The following DOCK1 variants were observed in gnomAD, a reference collection of about 807,000 sequenced individuals.
DOCK1 encodes dedicator of cytokinesis protein 1.
Under a neutral mutation model 262.7 loss-of-function variants are expected in DOCK1, and 138 were observed. The observed-to-expected ratio is 0.53, with a 90% CI of 0.46 to 0.61. DOCK1 has a LOEUF of 0.61. Ranked by LOEUF, DOCK1 falls within the 20% of genes least tolerant of loss-of-function variation. The pLI is 0.00. For missense variants in DOCK1, 1,908 were observed against 2,370.7 expected, an observed-to-expected ratio of 0.80 and a Z score of 4.05; for synonymous variants, 866 against 867.4, an observed-to-expected ratio of 1.00 and a Z score of 0.03.
chr10:127,238,683 C>T (rs976050463), intron 27 of DOCK1, among the ~76,000 whole-genome samples: 1 of 152,132 alleles, frequency 6.6e-6, no homozygotes, highest in Non-Finnish European at 1.5e-5. Flanking sequence ...GCCAGGGGAG[C>T]CTCCCCACAC....
chr10:127,107,099 G>A (rs1157847741), intron 24 of DOCK1, among the ~76,000 whole-genome samples: 2 of 152,032 alleles, frequency 1.3e-5, no homozygotes, highest in Admixed American at 6.6e-5. Flanking sequence ...TGGAATTACC[G>A]ACGTGCGCCA....
At chr10:127,444,905 C>T (rs1222991598) in intron 50 of DOCK1, among the ~76,000 whole-genome samples, 1 of 151,666 alleles carries the variant, frequency 6.6e-6, no homozygotes, top group Non-Finnish European at 1.5e-5. Context: ...TGGCTTGTGG[C>T]CACATCACTC....
intron 28 of DOCK1, among the ~76,000 whole-genome samples, chr10:127,248,989 A>G (rs1477330753): frequency 6.6e-6 from 1 of 152,172 alleles, no homozygotes; most frequent in African/African-American, 2.4e-5. Context: ...CTGAGGTGGA[A>G]CAGTTTCATC....
At chr10:127,412,237 C>T (rs2067900082) in intron 43 of DOCK1, among the ~76,000 whole-genome samples, 1 of 152,152 alleles carries the variant, frequency 6.6e-6, no homozygotes, top group Non-Finnish European at 1.5e-5. Context: ...GCTGGGATTA[C>T]AGGCGTGAGC....
chr10:127,372,472 C>T (rs75268523), intron 33 of DOCK1, among the ~76,000 whole-genome samples: 440 of 152,306 alleles, frequency 2.9e-3, no homozygotes, highest in African/African-American at 0.01. Flanking sequence ...CATATTAAGC[C>T]CTCTCCAGCT....
intron 29 of DOCK1, among the ~76,000 whole-genome samples, chr10:127,280,337 A>G (rs1421379006): frequency 1.3e-5 from 2 of 152,112 alleles, no homozygotes; most frequent in Non-Finnish European, 2.9e-5. Context: ...CCCGGCCTTC[A>G]TATATTTTTA....
At chr10:126,939,653 G>A (rs1200411991) in intron 1 of DOCK1, among the ~76,000 whole-genome samples, 2 of 152,138 alleles carry the variant, frequency 1.3e-5, no homozygotes, top group Admixed American at 6.5e-5. Context: ...GAGCCACCGC[G>A]CCTGACCCAA....
Position 127,013,959 on chromosome 10 carries a change from A to G in DOCK1, c.1201+1585A>G, listed in dbSNP as rs547022712. On this transcript the variant is annotated intron_variant, in intron 12 of 51. Transcript: ENST00000623213. ...GCGCTCATTTTATCACCAGCAGCCC[A>G]GGCTTAACCTGATCCTTGCTTGTCT... is the stretch of plus-strand genomic sequence containing the variant. 7.2e-5 allele frequency among the ~76,000 whole-genome samples: 11 copies of G among 152,342 alleles called. 1 individual carries two copies. The highest frequency in any genetic ancestry group is 2.6e-4 in the African/African-American group (11 of 41,590).
intron 2 of DOCK1, among the ~76,000 whole-genome samples, chr10:126,973,224 G>A (rs2038247118): frequency 7.9e-6 from 1 of 125,870 alleles, no homozygotes; most frequent in Admixed American, 8.8e-5. Context: ...GAATGCGTGT[G>A]TGGTGGTGGT....
intron 1 of DOCK1, among the ~76,000 whole-genome samples, chr10:126,919,835 C>T (rs1347667719): frequency 1.3e-5 from 2 of 152,204 alleles, no homozygotes; most frequent in African/African-American, 2.4e-5. Flanking sequence ...CTCTTCCCAG[C>T]ACCTGCTGTG....
At chr10:126,924,065 A>G (rs922042253) in intron 1 of DOCK1, among the ~76,000 whole-genome samples, 2 of 152,200 alleles carry the variant, frequency 1.3e-5, no homozygotes, top group Non-Finnish European at 2.9e-5. Flanking sequence ...CCATGTGTAG[A>G]GAGAAACAGG....
intron 27 of DOCK1, among the ~76,000 whole-genome samples, chr10:127,157,451 A>G (rs1203277098): frequency 6.6e-6 from 1 of 152,224 alleles, no homozygotes; most frequent in Non-Finnish European, 1.5e-5. Flanking sequence ...AGTTTTTCTT[A>G]TAGGTGGTTG....
chr10:127,410,802 CG>C, intron 42 of DOCK1, 37 bp from the exon 43 acceptor site: 1 of 1,596,154 alleles, frequency 6.3e-7, no homozygotes, highest in Non-Finnish European at 8.5e-7. Flanking sequence ...GGCTATTTGC[CG>C]GGTTAAATAT....
At chr10:127,450,573 T>C (rs1392758354) in intron 51 of DOCK1, among the ~76,000 whole-genome samples, 1 of 152,054 alleles carries the variant, frequency 6.6e-6, no homozygotes, top group Non-Finnish European at 1.5e-5. Flanking sequence ...TTCTAGAGAG[T>C]CTCCTGCACA....
intron 29 of DOCK1, among the ~76,000 whole-genome samples, chr10:127,259,578 C>T (rs2059944186): frequency 6.6e-6 from 1 of 152,206 alleles, no homozygotes; most frequent in South Asian, 2.1e-4. Flanking sequence ...CTGCTCTCCA[C>T]CTCTTGACTC....
intron 27 of DOCK1, among the ~76,000 whole-genome samples, chr10:127,159,473 C>T (rs955647432): frequency 6.6e-6 from 1 of 152,012 alleles, no homozygotes; most frequent in Non-Finnish European, 1.5e-5. Context: ...TGTATACTTA[C>T]AAGTATATAA....
chr10:127,178,363 T>A (rs1251805193), intron 27 of DOCK1, among the ~76,000 whole-genome samples: 2 of 152,242 alleles, frequency 1.3e-5, no homozygotes, highest in Non-Finnish European at 2.9e-5. Flanking sequence ...ACTACTGGTA[T>A]TTCAGGATGG....
In DOCK1 at chr10:127,265,801, A is replaced by T. The variant is rs12572223; in HGVS notation, c.3044+8372A>T. The stretch of plus-strand genomic sequence containing the variant: ...CTCTCTGCTATTTCTGCCAAAATTA[A>T]TTTGGCTTATAGTCAGGACAGGAAA... On this transcript the variant is annotated intron_variant, in intron 29 of 51. Transcript: ENST00000623213. 8.5e-3 allele frequency among the ~76,000 whole-genome samples: 1,293 copies of T among 152,346 alleles called. 35 individuals are homozygous for T. The East Asian group carries it at 0.1, about 12-fold the overall frequency.
intron 23 of DOCK1, among the ~76,000 whole-genome samples, chr10:127,093,024 C>G (rs769736401): frequency 6.6e-6 from 1 of 152,038 alleles, no homozygotes; most frequent in African/African-American, 2.4e-5. Context: ...TCACCAGGGC[C>G]GTGCCCTCTC....
Sources: gnomAD v4.1 joint callset for allele counts (sites outside exome capture counted in the v4.1 genomes callset) on GRCh38, gnomAD v4.1.1 for gene constraint, MANE v1.5 for transcripts, NCBI Gene and HGNC (gene_info 2026-07-23, HGNC 2026-07-21) for gene names.